C10orf67: variants seen among roughly 807,000 people sequenced by gnomAD.
C10orf67 encodes the protein chromosome 10 open reading frame 67.
Under a neutral mutation model 35.6 loss-of-function variants are expected in C10orf67, and 60 were observed. That is an observed-to-expected ratio of 1.68 (90% CI 1.37 to 2.09). The LOEUF is 2.09. Among genes scored for constraint, C10orf67 ranks in the 30% most tolerant of loss-of-function variants. The probability of loss-of-function intolerance (pLI) is 0.00; values close to 1 mark genes in which losing one functional copy is unlikely to be tolerated. For synonymous variants in C10orf67, 167 were observed against 115.8 expected, an observed-to-expected ratio of 1.44 and a Z score of -2.84; for missense variants, 474 against 330.2, an observed-to-expected ratio of 1.44 and a Z score of -3.38.
intron 8 of C10orf67, among the ~76,000 whole-genome samples, chr10:23,269,229 CAT>C (rs1388014553): frequency 6.6e-6 from 1 of 152,022 alleles, no homozygotes; most frequent in Non-Finnish European, 1.5e-5. Flanking sequence ...AAATATAAAA[CAT>C]ATGACAACTG....
At chr10:23,278,221 T>C (rs926968228) in intron 8 of C10orf67, among the ~76,000 whole-genome samples, 10 of 152,148 alleles carry the variant, frequency 6.6e-5, no homozygotes, top group African/African-American at 2.4e-4. Flanking sequence ...TTGGGGGACC[T>C]CAATGACACT....
chr10:23,242,702 A>G (rs151249486), intron 12 of C10orf67, among the ~76,000 whole-genome samples: 142 of 152,266 alleles, frequency 9.3e-4, no homozygotes, highest in African/African-American at 3.3e-3. Context: ...AAAACACTGC[A>G]ATAAGCTAAG....
chr10:23,223,875 A>G (rs1841659280), intron 13 of C10orf67, 57 bp from the exon 14 acceptor site: 1 of 706,616 alleles, frequency 1.4e-6, no homozygotes, highest in South Asian at 1.5e-5. Flanking sequence ...AGTCAAATCA[A>G]ATGGACGTTA....
intron 8 of C10orf67, among the ~76,000 whole-genome samples, chr10:23,270,876 G>T (rs1386749654): frequency 6.6e-6 from 1 of 152,174 alleles, no homozygotes; most frequent in Non-Finnish European, 1.5e-5. Context: ...CTCACTGGGT[G>T]GGGCCTCCCT....
chr10:23,239,547 T>C (rs976702211), intron 13 of C10orf67, among the ~76,000 whole-genome samples, 182 bp downstream of exon 13: 1 of 152,228 alleles, frequency 6.6e-6, no homozygotes, highest in African/African-American at 2.4e-5. Context: ...CCTCTCACAC[T>C]GGACTGAGCT....
chr10:23,267,231 C>T lies in C10orf67; in HGVS notation c.999G>A (p.Lys333=). 1 of 715,964 alleles carries T rather than the reference C, an allele frequency of 1.4e-6. No homozygotes were observed. The highest frequency in any genetic ancestry group is 2.6e-6 in the Non-Finnish European group (1 of 384,706). The allele number at this position is 715,964 out of a possible 1,614,324, so 44.4% of individuals were successfully genotyped here. Residue 333 remains lysine (K), a synonymous_variant, in exon 9 of 16, where the codon AAG becomes AAA. Coordinates refer to ENST00000636213, the MANE Select transcript of C10orf67 (RefSeq NM_001371909.1). ...QDVINKQKED[K]EMRKKYGSLS... is the part of the protein sequence containing the mutation. ...AGCTGCCATACTTTTTTCTCATTTC[C>T]TTGTCCTCTTTCTGTTTATTAATCT... is the stretch of plus-strand genomic sequence containing the variant.
intron 10 of C10orf67, among the ~76,000 whole-genome samples, chr10:23,255,071 G>C (rs1842566165): frequency 6.6e-6 from 1 of 152,096 alleles, no homozygotes; most frequent in Admixed American, 6.5e-5. Flanking sequence ...TTGAACACCA[G>C]TAATGTGCCA....
At chr10:23,317,352 C>T (rs1157639941) in intron 4 of C10orf67, 1 of 152,236 alleles carries the variant, frequency 6.6e-6, no homozygotes, top group African/African-American at 2.4e-5. Context: ...GGGGGGCTTC[C>T]TAGGCCCCCA....
chr10:23,323,948 T>TACAC (rs1177442947), intron 2 of C10orf67, among the ~76,000 whole-genome samples: 35 of 47,498 alleles, frequency 7.4e-4, no homozygotes, highest in Non-Finnish European at 1.1e-3. Context: ...TATATATATA[T>TACAC]ATATACACAC....
chr10:23,333,193 A>C lies in C10orf67; in HGVS notation c.207-11T>G. On this transcript the variant is annotated splice_polypyrimidine_tract_variant and intron_variant, in intron 1 of 15. Transcript: ENST00000636213. ...TCTGAAATGTTAAGTCTGAAAACAAAGGAAATGAAATGTGCTTTAAGTCAT... is the reference window on the plus strand; with the variant it reads ...TCTGAAATGTTAAGTCTGAAAACAACGGAAATGAAATGTGCTTTAAGTCAT... The C allele has an allele frequency of 6.3e-7, 1 of 1,592,308 alleles. No homozygotes were observed. Among genetic ancestry groups the C allele is most frequent in the Non-Finnish European group, 8.6e-7 (1 of 1,166,316 alleles).
intron 8 of C10orf67, among the ~76,000 whole-genome samples, chr10:23,275,430 C>G (rs1038741926): frequency 6.6e-6 from 1 of 152,178 alleles, no homozygotes; most frequent in African/African-American, 2.4e-5. Context: ...AAGAGATTGT[C>G]CCCCTTGTGT....
intron 13 of C10orf67, among the ~76,000 whole-genome samples, chr10:23,233,629 A>G (rs1028113706): frequency 1.3e-5 from 2 of 152,230 alleles, no homozygotes; most frequent in Non-Finnish European, 2.9e-5. Flanking sequence ...GATAAAAAGA[A>G]TAACATAATC....
intron 12 of C10orf67, among the ~76,000 whole-genome samples, chr10:23,241,337 A>G (rs918685784): frequency 3.9e-5 from 6 of 152,208 alleles, no homozygotes; most frequent in African/African-American, 7.2e-5. Flanking sequence ...CACCATACCT[A>G]ATTTAGATGA....
intron 7 of C10orf67, among the ~76,000 whole-genome samples, chr10:23,284,141 A>G (rs1017197714): frequency 6.8e-6 from 1 of 146,960 alleles, no homozygotes; most frequent in African/African-American, 2.5e-5. Flanking sequence ...GGGTGGGGGG[A>G]ACACGTGGTT....
At chr10:23,254,642 T>C (rs1014765081) in intron 10 of C10orf67, among the ~76,000 whole-genome samples, 1 of 152,200 alleles carries the variant, frequency 6.6e-6, no homozygotes, top group African/African-American at 2.4e-5. Flanking sequence ...TAAATTTGCT[T>C]CCCATTTTTA....
intron 2 of C10orf67, among the ~76,000 whole-genome samples, chr10:23,327,867 CAA>C (rs1367367498): frequency 1.3e-5 from 2 of 151,930 alleles, no homozygotes; most frequent in African/African-American, 2.4e-5. Flanking sequence ...GCCACATTGA[CAA>C]AGACTGACCT....
At chr10:23,262,018 T>C (rs757332670) in intron 10 of C10orf67, among the ~76,000 whole-genome samples, 2 of 152,142 alleles carry the variant, frequency 1.3e-5, no homozygotes, top group Non-Finnish European at 2.9e-5. Context: ...AGACTAGGAT[T>C]GGAGAAACTG....
intron 15 of C10orf67, among the ~76,000 whole-genome samples, chr10:23,213,795 A>G (rs1396189225): frequency 6.6e-6 from 1 of 152,182 alleles, no homozygotes; most frequent in Non-Finnish European, 1.5e-5. Context: ...GAAAGAATAG[A>G]AAGTAAAGCA....
chr10:23,285,214 G>A (rs1160622876), intron 7 of C10orf67, among the ~76,000 whole-genome samples: 1 of 151,788 alleles, frequency 6.6e-6, no homozygotes. Context: ...GGAATCCAGG[G>A]TTCTAGATTC....
Sources: allele counts gnomAD v4.1 joint callset (sites outside exome capture counted in the v4.1 genomes callset), GRCh38; gene constraint gnomAD v4.1.1; transcripts MANE v1.5; gene names NCBI Gene and HGNC (gene_info 2026-07-23, HGNC 2026-07-21).